The following ULK4 variants were observed in gnomAD, a reference collection of about 807,000 sequenced individuals.
ULK4 encodes inactive serine/threonine-protein kinase ULK4.
Under a neutral mutation model 160.6 loss-of-function variants are expected in ULK4, and 133 were observed. That is an observed-to-expected ratio of 0.83 (90% CI 0.72 to 0.96). The LOEUF (loss-of-function observed/expected upper bound fraction) is 0.96, where lower values mean the gene tolerates loss of function less well. Ranked by LOEUF, ULK4 falls within the 40% of genes least tolerant of loss-of-function variation. ULK4 has a pLI of 0.00. For synonymous variants in ULK4, 534 were observed against 539.8 expected (o/e 0.99, Z 0.15); for missense variants, 1,580 against 1,499.5 (o/e 1.05, Z -0.89).
chr3:41,469,649 T>C (rs1056798913), intron 32 of ULK4, among the ~76,000 whole-genome samples: 3 of 89,584 alleles, frequency 3.3e-5, no homozygotes, highest in Non-Finnish European at 7.1e-5. Context: ...CCTAAAAAGA[T>C]GGCTATCTCC....
intron 22 of ULK4, among the ~76,000 whole-genome samples, chr3:41,748,876 A>G (rs2038515097): frequency 6.6e-6 from 1 of 152,176 alleles, no homozygotes; most frequent in Non-Finnish European, 1.5e-5. Context: ...GGCTGTGTAC[A>G]GACATCTTCC....
intron 35 of ULK4, among the ~76,000 whole-genome samples, chr3:41,346,590 T>TA (rs1304844516): frequency 2.0e-5 from 3 of 152,152 alleles, no homozygotes; most frequent in Non-Finnish European, 4.4e-5. Flanking sequence ...CTGAAAGGGG[T>TA]ATGGAGAAAG....
At chr3:41,436,604 G>A (rs932265480) in intron 34 of ULK4, among the ~76,000 whole-genome samples, 1 of 152,092 alleles carries the variant, frequency 6.6e-6, no homozygotes, top group Admixed American at 6.6e-5. Context: ...GATGAAAAAG[G>A]AGCCTTTATG....
chr3:41,805,533 G>A (rs1446004263), intron 19 of ULK4, among the ~76,000 whole-genome samples: 1 of 151,440 alleles, frequency 6.6e-6, no homozygotes, highest in South Asian at 2.1e-4. Flanking sequence ...GAATAGGAGT[G>A]GTGAGAGAGG....
rs528759468 is a variant in ULK4 at position 41,526,222 on chromosome 3, C to T, written c.3226+39803G>A. On this transcript the variant is annotated intron_variant, in intron 32 of 36. Coordinates refer to ENST00000301831, the MANE Select transcript of ULK4 (RefSeq NM_017886.4). ...TCTTATATTATTTGTCCTTTCTCTG[C>T]CTTTTGTATAAGTTTCTTCCCTCCA... 5.3e-5 allele frequency among the ~76,000 whole-genome samples: 8 copies of T among 152,200 alleles called. No individual in the cohort carries two copies. The East Asian group carries it at 9.7e-4, about 18-fold the overall frequency.
intron 17 of ULK4, among the ~76,000 whole-genome samples, chr3:41,871,664 G>A (rs1156456724): frequency 2.6e-5 from 4 of 152,188 alleles, no homozygotes; most frequent in Non-Finnish European, 5.9e-5. Context: ...CGTTTCTCAT[G>A]TCTTTTGCCC....
intron 2 of ULK4, among the ~76,000 whole-genome samples, chr3:41,948,537 T>G (rs1700183381): frequency 6.6e-6 from 1 of 151,944 alleles, no homozygotes; most frequent in Non-Finnish European, 1.5e-5. Flanking sequence ...GTCAACAAAA[T>G]GCAAGCAAAT....
chr3:41,774,060 C>T (rs2039511031), intron 21 of ULK4, among the ~76,000 whole-genome samples: 1 of 152,080 alleles, frequency 6.6e-6, no homozygotes. Context: ...ACACCTTATA[C>T]AAAAATCAAT....
chr3:41,633,957 GTAGTA>G (rs2033850759), intron 30 of ULK4, among the ~76,000 whole-genome samples: 1 of 152,118 alleles, frequency 6.6e-6, no homozygotes, highest in Non-Finnish European at 1.5e-5. Context: ...TTATTGTGAG[GTAGTA>G]ATCATTAACC....
At chr3:41,553,127 T>A (rs1437867573) in intron 32 of ULK4, among the ~76,000 whole-genome samples, 4 of 152,010 alleles carry the variant, frequency 2.6e-5, no homozygotes, top group African/African-American at 9.7e-5. Flanking sequence ...GACTTAACCA[T>A]AAGACCAGAA....
chr3:41,350,315 C>A (rs2080884510), intron 35 of ULK4, among the ~76,000 whole-genome samples: 1 of 151,940 alleles, frequency 6.6e-6, no homozygotes, highest in Non-Finnish European at 1.5e-5. Context: ...GATCTCTTCT[C>A]CAGAAAAACA....
chr3:41,247,284 G>C (rs947524892), intron 36 of ULK4, among the ~76,000 whole-genome samples: 4 of 152,178 alleles, frequency 2.6e-5, no homozygotes, highest in African/African-American at 9.7e-5. Flanking sequence ...ACTCTACCAG[G>C]CCTGGGGCCT....
At chr3:41,675,166 G>A (rs1304752340) in intron 29 of ULK4, among the ~76,000 whole-genome samples, 1 of 151,964 alleles carries the variant, frequency 6.6e-6, no homozygotes, top group African/African-American at 2.4e-5. Context: ...CCTGAACCCA[G>A]GAAATGGAGG....
chr3:41,906,863 C>T (rs1220612828), intron 12 of ULK4, among the ~76,000 whole-genome samples: 1 of 151,998 alleles, frequency 6.6e-6, no homozygotes, highest in Non-Finnish European at 1.5e-5. Context: ...CATGGTGACG[C>T]ACGACTGTAG....
intron 35 of ULK4, among the ~76,000 whole-genome samples, chr3:41,315,635 G>A (rs1404362105): frequency 3.9e-5 from 6 of 152,058 alleles, no homozygotes; most frequent in South Asian, 2.1e-4. Flanking sequence ...CTACCTTCCC[G>A]GCTCGGCACT....
intron 34 of ULK4, among the ~76,000 whole-genome samples, chr3:41,431,547 C>CTTTTTTTTTTTTTTTTTTTTGTTT (rs1553664758): frequency 1.0e-5 from 1 of 95,854 alleles, no homozygotes; most frequent in Non-Finnish European, 2.0e-5. Flanking sequence ...AATTCCCTCC[C>CTTTTTTTTTTTTTTTTTTTTGTTT]TTTTTTTTTT....
intron 8 of ULK4, among the ~76,000 whole-genome samples, chr3:41,914,080 T>G (rs1413616624): frequency 5.3e-5 from 8 of 152,174 alleles, no homozygotes; most frequent in Non-Finnish European, 1.2e-4. Flanking sequence ...TAAAATGACT[T>G]TAGGTTGTAT....
At chr3:41,490,888 G>T (rs1469041620) in intron 32 of ULK4, among the ~76,000 whole-genome samples, 1 of 152,144 alleles carries the variant, frequency 6.6e-6, no homozygotes, top group Non-Finnish European at 1.5e-5. Context: ...AACGCTCTCA[G>T]TAGCTGACAC....
At chr3:41,553,927 C>G (rs2125582329) in intron 32 of ULK4, among the ~76,000 whole-genome samples, 1 of 152,152 alleles carries the variant, frequency 6.6e-6, no homozygotes, top group African/African-American at 2.4e-5. Flanking sequence ...CTTATTCATT[C>G]TTTCTAACTA....
Sources: gnomAD v4.1 joint callset for allele counts (sites outside exome capture counted in the v4.1 genomes callset) on GRCh38, gnomAD v4.1.1 for gene constraint, MANE v1.5 for transcripts, NCBI Gene and HGNC (gene_info 2026-07-23, HGNC 2026-07-21) for gene names.